Variants in MAGEB1 observed in about 807,000 individuals in gnomAD.
MAGEB1 encodes MAGE family member B1.
For synonymous variants in MAGEB1, 99 were observed against 105.7 expected (o/e 0.94, Z 0.39); for missense variants, 290 against 286.7 (o/e 1.01, Z -0.08).
chrX:30,249,714 A>G (rs1305079861), intron 1 of MAGEB1, among the ~76,000 whole-genome samples: 1 of 111,685 alleles, frequency 9.0e-6, no homozygotes, highest in Non-Finnish European at 1.9e-5. Context: ...TACTATGAGT[A>G]AATGTCCTCA....
rs57368527 is a variant in MAGEB1 at position 30,247,946 on chromosome X, G to GAAAAAAAAA, written c.-61+705_-61+713dup. ...GTGACAGAGCGAGACTCAGTCTCAA[G>GAAAAAAAAA]AAAAAAAAAAAAAAAAAAAAAAAGT... On this transcript the variant is annotated intron_variant, in intron 1 of 1. Coordinates refer to ENST00000397548, the MANE Select transcript of MAGEB1 (RefSeq NM_177404.3). Among the ~76,000 whole-genome samples, 51 of 45,937 alleles carry GAAAAAAAAA rather than the reference G, an allele frequency of 1.1e-3. 2 individuals carry two copies. The highest frequency in any genetic ancestry group is 1.7e-3 in the Admixed American group (5 of 2,947). 39.9% of individuals were successfully genotyped at this position (45,937 alleles called of 115,157 possible). A position where few individuals can be genotyped will look rare whatever the true frequency, so the allele number is the denominator to read the frequency against.
In MAGEB1 at chrX:30,251,352, G is replaced by C. The variant is rs751987621; in HGVS notation, c.859G>C (p.Glu287Gln). ...YAETTKMKVL[E>Q]FLAKMNGATP... ...TGAAACCACCAAGATGAAAGTCCTC[G>C]AGTTTTTGGCCAAGATGAATGGTGC... is the stretch of plus-strand genomic sequence containing the variant. The change falls in exon 2 of 2, where the codon GAG becomes CAG. Residue 287 changes from glutamate to glutamine, a missense_variant. Coordinates refer to ENST00000397548, the MANE Select transcript of MAGEB1 (RefSeq NM_177404.3). 8.3e-7 allele frequency: 1 copy of C among 1,211,864 alleles called. No homozygotes were observed. Among genetic ancestry groups the C allele is most frequent in the Non-Finnish European group, 1.1e-6 (1 of 895,534 alleles).
Position 30,250,561 on chromosome X carries a change from A to G in MAGEB1, c.68A>G (p.Gln23Arg). Reference protein sequence around the residue: ...EKRRKAREETQGLKVAHATAA... With the variant: ...EKRRKAREETRGLKVAHATAA... ...CGCCGCAAGGCGCGAGAGGAGACCC[A>G]GGGTCTCAAGGTTGCTCACGCCACT... The change falls in exon 2 of 2, where the codon CAG (glutamine) becomes CGG (arginine). Residue 23 changes from glutamine (Q) to arginine (R), a missense_variant. Gln to Arg is a conservative substitution (Grantham distance 43). Coordinates refer to ENST00000397548, the MANE Select transcript of MAGEB1 (RefSeq NM_177404.3). The G allele has an allele frequency of 8.3e-7, 1 of 1,208,222 alleles. No individual in the cohort carries two copies. The highest frequency in any genetic ancestry group is 1.1e-6 in the Non-Finnish European group (1 of 893,384).
chrX:30,247,105 C>G (rs1227004702), upstream of MAGEB1: 6 of 110,371 alleles, frequency 5.4e-5, no homozygotes, highest in African/African-American at 2.0e-4. Flanking sequence ...CGTACCACCC[C>G]TGCCGTCAGC....
chrX:30,247,071 C>T (rs1569257719), upstream of MAGEB1: 2 of 110,641 alleles, frequency 1.8e-5, no homozygotes, highest in Non-Finnish European at 3.8e-5. Flanking sequence ...GGACCAGCGA[C>T]GCTAGAACAG....
At position 30,251,270 on chromosome X, in the gene MAGEB1, G is replaced by A; in HGVS notation, c.777G>A (p.Gln259=). 8.3e-7 allele frequency: 1 copy of A among 1,212,069 alleles called. No individual in the cohort carries two copies. Among genetic ancestry groups the A allele is most frequent in the South Asian group, 1.8e-5 (1 of 56,996 alleles). ...AGGAAAAATATCTGAAGTACGAGCA[G>A]GTGCCCAACAGTGATCCCCCACGCT... ...LVQEKYLKYE[Q]VPNSDPPRYQ... is the part of the protein sequence containing the mutation. Residue 259 remains glutamine, a synonymous_variant, in exon 2 of 2, where the codon CAG becomes CAA. Coordinates refer to ENST00000397548, the MANE Select transcript of MAGEB1 (RefSeq NM_177404.3).
upstream of MAGEB1, chrX:30,247,099 C>G (rs1049393574): frequency 9.1e-6 from 1 of 109,896 alleles, no homozygotes; most frequent in Non-Finnish European, 1.9e-5. Context: ...CAGAAGCGTA[C>G]CACCCCTGCC....
rs1361369413 is a variant in MAGEB1, at chrX:30,251,483, G to A, written c.990G>A (p.Thr330=). 4 of 1,211,653 alleles carry A rather than the reference G, an allele frequency of 3.3e-6. No homozygotes were observed. The highest frequency in any genetic ancestry group is 4.5e-6 in the Non-Finnish European group (4 of 895,447). ...GAGCCAGGCGTCGCACTACTGCCAC[G>A]ACTTTTAGAGCGCGTTCTAGAGCCC... ...SVRARRRTTA[T]TFRARSRAPF... is the part of the protein sequence containing the mutation. The change falls in exon 2 of 2, where the codon ACG becomes ACA. Residue 330 remains threonine, a synonymous_variant. Transcript: ENST00000397548.
chrX:30,251,462 C>G lies in MAGEB1; in HGVS notation c.969C>G (p.Ala323=). ...CCCAAGTCCGATCCAGTGTTAGAGC[C>G]AGGCGTCGCACTACTGCCACGACTT... ...ERAQVRSSVR[A]RRRTTATTFR... Residue 323 remains alanine (A), a synonymous_variant, in exon 2 of 2, where the codon GCC becomes GCG. Transcript: ENST00000397548. 2.5e-6 allele frequency: 3 copies of G among 1,211,642 alleles called. No homozygotes were observed. Among genetic ancestry groups the G allele is most frequent in the Non-Finnish European group, 3.4e-6 (3 of 895,405 alleles).
rs1214859267 is a variant in MAGEB1, at chrX:30,250,469, C to G, written c.-25C>G. 1 of 1,141,789 alleles carries G rather than the reference C, an allele frequency of 8.8e-7. No homozygotes were observed. 94.1% of individuals were successfully genotyped at this position (1,141,789 alleles called of 1,213,427 possible). A position where few individuals can be genotyped will look rare whatever the true frequency, so the allele number is the denominator to read the frequency against. On this transcript the variant is annotated 5_prime_UTR_variant, in exon 2 of 2. Coordinates refer to ENST00000397548, the MANE Select transcript of MAGEB1 (RefSeq NM_177404.3). ...TCCTGCCTTTCTGCTCACTTTCCTGCCTGTTTTGCCTGACCACAGCCATCA... is the reference window on the plus strand; with the variant it reads ...TCCTGCCTTTCTGCTCACTTTCCTGGCTGTTTTGCCTGACCACAGCCATCA...
chrX:30,245,901 T>C (rs1925291310), upstream of MAGEB1, among the ~76,000 whole-genome samples: 4 of 112,174 alleles, frequency 3.6e-5, no homozygotes, highest in Admixed American at 3.8e-4. Context: ...TTTTTTTCCC[T>C]GAGAGCACAA....
At chrX:30,244,760 G>A, upstream of MAGEB1, among the ~76,000 whole-genome samples, 1 of 111,892 alleles carries the variant, frequency 8.9e-6, no homozygotes, top group Middle Eastern at 4.6e-3. Flanking sequence ...AGTTACTTTG[G>A]GATTGTGGAA....
In MAGEB1 at chrX:30,250,872, G is replaced by T; in HGVS notation, c.379G>T (p.Glu127Ter). The T allele has an allele frequency of 8.3e-7, 1 of 1,212,013 alleles. No individual in the cohort carries two copies. The highest frequency in any genetic ancestry group is 1.1e-6 in the Non-Finnish European group (1 of 895,414). Residue 127 changes from glutamate (E) to a stop codon, truncating the protein, a stop_gained, in exon 2 of 2, where the codon GAG becomes TAG. Coordinates refer to ENST00000397548, the MANE Select transcript of MAGEB1 (RefSeq NM_177404.3). LOFTEE classifies it low-confidence loss of function (END_TRUNC). The stretch of plus-strand genomic sequence containing the variant: ...CATTCTACGTAAGTATAAAATGAGA[G>T]AGCCCATTATGAAGGCAGATATGCT... Reference protein sequence around the residue: ...HFILRKYKMREPIMKADMLKV... With the variant: ...HFILRKYKMR
Position 30,250,648 on chromosome X carries a change from C to T in MAGEB1, c.155C>T (p.Ser52Phe). 1 of 1,211,248 alleles carries T rather than the reference C, an allele frequency of 8.3e-7. No individual in the cohort carries two copies. The highest frequency in any genetic ancestry group is 1.1e-6 in the Non-Finnish European group (1 of 895,145). The change falls in exon 2 of 2, where the codon TCC becomes TTC. Residue 52 changes from serine (S) to phenylalanine (F), a missense_variant. Transcript: ENST00000397548. ...SPVLGDTPTS[S>F]PAAGIPQKPQ... ...GTTTTAGGGGATACTCCCACAAGCT[C>T]CCCTGCTGCTGGCATTCCCCAGAAG...
Position 30,251,451 on chromosome X carries a change from A to G in MAGEB1, c.958A>G (p.Ser320Gly). Reference sequence around the variant, plus strand: ...GGAAGAGAGAGCCCAAGTCCGATCCAGTGTTAGAGCCAGGCGTCGCACTAC... The same window carrying G: ...GGAAGAGAGAGCCCAAGTCCGATCCGGTGTTAGAGCCAGGCGTCGCACTAC... ...DEEERAQVRS[S>G]VRARRRTTAT... The change falls in exon 2 of 2, where the codon AGT becomes GGT. Residue 320 changes from serine (S) to glycine (G), a missense_variant. Ser to Gly is a moderately conservative substitution (Grantham distance 56). Coordinates refer to ENST00000397548, the MANE Select transcript of MAGEB1 (RefSeq NM_177404.3). The G allele has an allele frequency of 4.1e-6, 5 of 1,212,009 alleles. No individual in the cohort carries two copies. Among genetic ancestry groups the G allele is most frequent in the Non-Finnish European group, 5.6e-6 (5 of 895,542 alleles).
At position 30,251,215 on chromosome X, in the gene MAGEB1, C is replaced by T; in HGVS notation, c.722C>T (p.Pro241Leu). 8.3e-7 allele frequency: 1 copy of T among 1,211,748 alleles called. No homozygotes were observed. The highest frequency in any genetic ancestry group is 1.8e-5 in the South Asian group (1 of 56,940). ...GAGGAGCACTTAATCTATGGGGAAC[C>T]CCGTAAGTTCATCACCCAAGATCTG... Reference protein sequence around the residue: ...DGEEHLIYGEPRKFITQDLVQ... With the variant: ...DGEEHLIYGELRKFITQDLVQ... Residue 241 changes from proline (P) to leucine (L), a missense_variant, in exon 2 of 2, where the codon CCC becomes CTC. Pro to Leu is a moderately conservative substitution (Grantham distance 98, BLOSUM62 -3). Coordinates refer to ENST00000397548, the MANE Select transcript of MAGEB1 (RefSeq NM_177404.3).
intron 1 of MAGEB1, among the ~76,000 whole-genome samples, chrX:30,248,922 G>C (rs984443066): frequency 9.0e-6 from 1 of 111,262 alleles, no homozygotes; most frequent in Non-Finnish European, 1.9e-5. Flanking sequence ...GGGAGTTGTC[G>C]GGGGGTGCTT....
chrX:30,251,206 A>G lies in MAGEB1; in HGVS notation c.713A>G (p.Tyr238Cys), dbSNP rs142967330. 1.1e-5 allele frequency: 13 copies of G among 1,210,581 alleles called. No individual in the cohort carries two copies. In the Admixed American group the frequency reaches 1.3e-4, roughly 12 times the overall value. ...GAYDGEEHLI[Y>C]GEPRKFITQD... Reference sequence around the variant, plus strand: ...TATGATGGAGAGGAGCACTTAATCTATGGGGAACCCCGTAAGTTCATCACC... The same window carrying G: ...TATGATGGAGAGGAGCACTTAATCTGTGGGGAACCCCGTAAGTTCATCACC... Residue 238 changes from tyrosine (Y) to cysteine (C), a missense_variant, in exon 2 of 2, where the codon TAT (tyrosine) becomes TGT (cysteine). Coordinates refer to ENST00000397548, the MANE Select transcript of MAGEB1 (RefSeq NM_177404.3).
Position 30,251,279 on chromosome X carries a change from C to T in MAGEB1, c.786C>T (p.Asn262=). 3.3e-6 allele frequency: 4 copies of T among 1,212,139 alleles called. No individual in the cohort carries two copies. The highest frequency in any genetic ancestry group is 4.5e-6 in the Non-Finnish European group (4 of 895,579). Residue 262 remains asparagine, a synonymous_variant, in exon 2 of 2, where the codon AAC becomes AAT. Transcript: ENST00000397548. ...EKYLKYEQVP[N]SDPPRYQFLW... is the part of the protein sequence containing the mutation. ...ATCTGAAGTACGAGCAGGTGCCCAACAGTGATCCCCCACGCTATCAATTCC... is the reference window on the plus strand; with the variant it reads ...ATCTGAAGTACGAGCAGGTGCCCAATAGTGATCCCCCACGCTATCAATTCC...
Sources: gnomAD v4.1 joint callset for allele counts (sites outside exome capture counted in the v4.1 genomes callset) on GRCh38, gnomAD v4.1.1 for gene constraint, MANE v1.5 for transcripts, NCBI Gene and HGNC (gene_info 2026-07-23, HGNC 2026-07-21) for gene names.